ATRNL1: variants seen among roughly 807,000 people sequenced by gnomAD.
ATRNL1 encodes the protein attractin-like protein 1.
ATRNL1 carries 95 observed loss-of-function variants against 182.7 expected under a neutral mutation model. That is an observed-to-expected ratio of 0.52 (90% CI 0.44 to 0.62). ATRNL1 has a LOEUF of 0.62. Among genes scored for constraint, ATRNL1 ranks in the 20% least tolerant of loss-of-function variants. The pLI is 0.00. For missense variants in ATRNL1, 1,471 were observed against 1,679.5 expected, an observed-to-expected ratio of 0.88 and a Z score of 2.17; for synonymous variants, 576 against 568.3, an observed-to-expected ratio of 1.01 and a Z score of -0.19.
chr10:115,380,311 A>G (rs190461263), intron 19 of ATRNL1, among the ~76,000 whole-genome samples: 167 of 152,328 alleles, frequency 1.1e-3, no homozygotes, highest in African/African-American at 3.8e-3. Context: ...GTTCTACAGT[A>G]TTTCATAATA....
At chr10:115,427,272 T>C (rs782374545) in intron 21 of ATRNL1, among the ~76,000 whole-genome samples, 1 of 152,220 alleles carries the variant, frequency 6.6e-6, no homozygotes, top group Non-Finnish European at 1.5e-5. Flanking sequence ...GTATATTTTA[T>C]TCGATGAAGG....
intron 26 of ATRNL1, among the ~76,000 whole-genome samples, chr10:115,725,387 A>G (rs567679126): frequency 4.6e-5 from 7 of 152,286 alleles, no homozygotes; most frequent in African/African-American, 1.7e-4. Context: ...GTTGATTTAT[A>G]TTACAATATG....
intron 26 of ATRNL1, among the ~76,000 whole-genome samples, chr10:115,675,010 C>A (rs80287666): frequency 0.064 from 9,706 of 152,188 alleles, 948 homozygotes; most frequent in African/African-American, 0.21. Flanking sequence ...TCTGTCTCCA[C>A]TAGACTGTGG....
chr10:115,718,089 T>C (rs1947312726), intron 26 of ATRNL1, among the ~76,000 whole-genome samples: 1 of 152,208 alleles, frequency 6.6e-6, no homozygotes, highest in Non-Finnish European at 1.5e-5. Flanking sequence ...TGAAACAATC[T>C]ATATGGCTGA....
intron 28 of ATRNL1, among the ~76,000 whole-genome samples, chr10:115,858,157 G>A (rs1239202194): frequency 6.6e-6 from 1 of 152,136 alleles, no homozygotes; most frequent in Non-Finnish European, 1.5e-5. Flanking sequence ...TTTAGAACTG[G>A]AAATACCATT....
At chr10:115,437,436 A>G (rs971985793) in intron 21 of ATRNL1, among the ~76,000 whole-genome samples, 10 of 151,958 alleles carry the variant, frequency 6.6e-5, no homozygotes, top group Non-Finnish European at 1.0e-4. Context: ...GAAATAGACC[A>G]TTTTTGGTTT....
intron 21 of ATRNL1, among the ~76,000 whole-genome samples, chr10:115,434,285 A>G (rs1846301064): frequency 6.6e-6 from 1 of 152,206 alleles, no homozygotes; most frequent in Non-Finnish European, 1.5e-5. Context: ...CTTTAAAATA[A>G]TGATCATACT....
At chr10:115,431,666 C>G (rs1219926191) in intron 21 of ATRNL1, among the ~76,000 whole-genome samples, 1 of 152,032 alleles carries the variant, frequency 6.6e-6, no homozygotes, top group African/African-American at 2.4e-5. Context: ...GTTTTTGTCA[C>G]TAATGAACTT....
At chr10:115,196,371 G>A (rs1848361271) in intron 8 of ATRNL1, among the ~76,000 whole-genome samples, 1 of 152,074 alleles carries the variant, frequency 6.6e-6, no homozygotes, top group Non-Finnish European at 1.5e-5. Context: ...GGCGGTGTAA[G>A]TCTTCCATCT....
chr10:115,200,182 T>C (rs1317838421), intron 8 of ATRNL1, among the ~76,000 whole-genome samples: 1 of 151,946 alleles, frequency 6.6e-6, no homozygotes, highest in Non-Finnish European at 1.5e-5. Flanking sequence ...AATTTGGAGT[T>C]AGCTGCAGAT....
At chr10:115,167,974 G>A (rs1354332494) in intron 7 of ATRNL1, among the ~76,000 whole-genome samples, 2 of 151,898 alleles carry the variant, frequency 1.3e-5, no homozygotes, top group Non-Finnish European at 2.9e-5. Context: ...GTATCCTTTC[G>A]GTATCACCCC....
At chr10:115,158,506 A>C (rs781963295) in intron 5 of ATRNL1, among the ~76,000 whole-genome samples, 6 of 152,076 alleles carry the variant, frequency 3.9e-5, no homozygotes, top group African/African-American at 7.2e-5. Flanking sequence ...TTTCTCACTC[A>C]GAAATAATAG....
chr10:115,113,947 A>G (rs1007967345), intron 1 of ATRNL1, among the ~76,000 whole-genome samples: 2 of 152,156 alleles, frequency 1.3e-5, no homozygotes, highest in Non-Finnish European at 2.9e-5. Flanking sequence ...GATGGAACTT[A>G]TGTTGAAAAA....
At chr10:115,552,147 A>G (rs1340432569) in intron 26 of ATRNL1, among the ~76,000 whole-genome samples, 1 of 151,308 alleles carries the variant, frequency 6.6e-6, no homozygotes, top group Non-Finnish European at 1.5e-5. Flanking sequence ...GTGTTAAGAA[A>G]TTGTTTTTCA....
At chr10:115,772,999 T>C (rs930048678) in intron 27 of ATRNL1, among the ~76,000 whole-genome samples, 5 of 152,126 alleles carry the variant, frequency 3.3e-5, no homozygotes, top group Admixed American at 6.6e-5. Context: ...TGATATTTGA[T>C]TGGGGAGGCG....
chr10:115,774,395 A>G (rs1388256310), intron 27 of ATRNL1, among the ~76,000 whole-genome samples: 1 of 137,320 alleles, frequency 7.3e-6, no homozygotes, highest in Non-Finnish European at 1.5e-5. Flanking sequence ...ACTGCACTCC[A>G]GCCTGGGCGA....
At chr10:115,163,512 C>T (rs1337647142) in intron 6 of ATRNL1, among the ~76,000 whole-genome samples, 1 of 151,814 alleles carries the variant, frequency 6.6e-6, no homozygotes, top group African/African-American at 2.4e-5. Context: ...TATAGGCATG[C>T]AACACTATGC....
intron 28 of ATRNL1, among the ~76,000 whole-genome samples, chr10:115,886,610 G>A (rs544717426): frequency 2.7e-4 from 41 of 152,302 alleles, no homozygotes; most frequent in African/African-American, 9.4e-4. Flanking sequence ...TATTTAATTT[G>A]TAGATTTGTT....
At chr10:115,263,670 TTATA>T (rs1418580411) in intron 10 of ATRNL1, among the ~76,000 whole-genome samples, 1 of 151,792 alleles carries the variant, frequency 6.6e-6, no homozygotes, top group Non-Finnish European at 1.5e-5. Flanking sequence ...AGTTTATACT[TTATA>T]TAATTTCTTT....
Sources: allele counts gnomAD v4.1 joint callset (sites outside exome capture counted in the v4.1 genomes callset), GRCh38; gene constraint gnomAD v4.1.1; transcripts MANE v1.5; gene names NCBI Gene and HGNC (gene_info 2026-07-23, HGNC 2026-07-21).